Variants in PALMD observed in about 807,000 individuals in gnomAD.
The protein encoded by PALMD is palmdelphin.
PALMD carries 42 observed loss-of-function variants against 56.2 expected under a neutral mutation model. The observed-to-expected ratio is 0.75, with a 90% CI of 0.58 to 0.97. The LOEUF is 0.97. PALMD is among the 50% of genes least tolerant of loss of function. The probability of loss-of-function intolerance (pLI) is 0.00; values close to 1 mark genes in which losing one functional copy is unlikely to be tolerated. For synonymous variants in PALMD, 242 were observed against 222.9 expected, an observed-to-expected ratio of 1.09 and a Z score of -0.76; for missense variants, 660 against 643.8, an observed-to-expected ratio of 1.03 and a Z score of -0.27.
chr1:99,662,232 G>T (rs770338541), intron 1 of PALMD, 87 bp from the exon 2 acceptor site: 1 of 717,228 alleles, frequency 1.4e-6, no homozygotes, highest in East Asian at 2.7e-5. Context: ...TATCAGTAAC[G>T]GGCCATTCAG....
chr1:99,659,123 T>C (rs1351578384), intron 1 of PALMD, among the ~76,000 whole-genome samples: 1 of 152,222 alleles, frequency 6.6e-6, no homozygotes, highest in African/African-American at 2.4e-5. Context: ...ATATTAGAAT[T>C]TAGCACATTG....
At chr1:99,663,988 G>C (rs1652909387) in intron 2 of PALMD, among the ~76,000 whole-genome samples, 1 of 152,172 alleles carries the variant, frequency 6.6e-6, no homozygotes, top group African/African-American at 2.4e-5. Context: ...CAGTTGTGCA[G>C]ATTGTGTACT....
chr1:99,660,758 C>A (rs184824182), intron 1 of PALMD, among the ~76,000 whole-genome samples: 2 of 152,082 alleles, frequency 1.3e-5, no homozygotes, highest in African/African-American at 2.4e-5. Flanking sequence ...TGGTAGTATG[C>A]GCCTGTAGTC....
intron 1 of PALMD, among the ~76,000 whole-genome samples, chr1:99,647,641 T>C (rs945153917): frequency 6.6e-6 from 1 of 152,268 alleles, no homozygotes; most frequent in Non-Finnish European, 1.5e-5. Flanking sequence ...CTGTCCTGCT[T>C]TAAGGGACAG....
intron 3 of PALMD, chr1:99,668,139 C>T (rs886126049): frequency 3.5e-5 from 6 of 169,304 alleles, no homozygotes; most frequent in African/African-American, 7.1e-5. Flanking sequence ...CTCGGCCTCC[C>T]GATGTACAGG....
chr1:99,670,397 TAGAA>T (rs925791537), intron 3 of PALMD, among the ~76,000 whole-genome samples: 9 of 152,114 alleles, frequency 5.9e-5, no homozygotes, highest in African/African-American at 2.2e-4. Flanking sequence ...ACAACAATCC[TAGAA>T]AGAAAGTGCC....
intron 1 of PALMD, among the ~76,000 whole-genome samples, chr1:99,650,882 G>A (rs150277151): frequency 1.3e-5 from 2 of 152,270 alleles, no homozygotes; most frequent in African/African-American, 2.4e-5. Context: ...GTGTAAACTA[G>A]TCTGTGTCTT....
intron 7 of PALMD, among the ~76,000 whole-genome samples, chr1:99,692,275 G>A (rs927246766): frequency 3.3e-5 from 5 of 152,066 alleles, no homozygotes; most frequent in Non-Finnish European, 7.4e-5. Flanking sequence ...TCAGCTCTGG[G>A]AGTTCATATG....
At chr1:99,670,472 C>T (rs1653058919) in intron 3 of PALMD, among the ~76,000 whole-genome samples, 2 of 152,084 alleles carry the variant, frequency 1.3e-5, no homozygotes, top group Admixed American at 6.6e-5. Context: ...TTAATTAAGG[C>T]CACAGAGTCA....
At chr1:99,662,235 CCATT>C in intron 1 of PALMD, 80 bp from the exon 2 acceptor site, 2 of 724,220 alleles carry the variant, frequency 2.8e-6, no homozygotes, top group Non-Finnish European at 2.4e-6. Context: ...CAGTAACGGG[CCATT>C]CAGATAGTGA....
At chr1:99,662,565 A>T (rs1479250185) in intron 2 of PALMD, among the ~76,000 whole-genome samples, 166 bp downstream of exon 2, 1 of 152,202 alleles carries the variant, frequency 6.6e-6, no homozygotes, top group East Asian at 1.9e-4. Context: ...ACATTTGCAT[A>T]TGAGATTAAT....
chr1:99,689,967 C>A, intron 7 of PALMD, 95 bp downstream of exon 7: 2 of 1,151,186 alleles, frequency 1.7e-6, no homozygotes, highest in Non-Finnish European at 1.2e-6. Flanking sequence ...CTCTGACCAC[C>A]TCATAAACTA....
chr1:99,662,784 T>G (rs982821659), intron 2 of PALMD, among the ~76,000 whole-genome samples: 1 of 152,096 alleles, frequency 6.6e-6, no homozygotes, highest in Admixed American at 6.6e-5. Flanking sequence ...CCCCCGGGGG[T>G]GCAGAACAGT....
At chr1:99,661,601 G>C (rs1186152928) in intron 1 of PALMD, among the ~76,000 whole-genome samples, 2 of 152,162 alleles carry the variant, frequency 1.3e-5, no homozygotes, top group Non-Finnish European at 2.9e-5. Context: ...AAGTGGAGGA[G>C]GCAAAAGTCA....
intron 1 of PALMD, among the ~76,000 whole-genome samples, chr1:99,652,814 A>G (rs1652628033): frequency 6.6e-6 from 1 of 152,200 alleles, no homozygotes; most frequent in South Asian, 2.1e-4. Flanking sequence ...AGAAGAAACT[A>G]TGGAGGGTCT....
rs116751148 is a variant in PALMD at position 99,672,734 on chromosome 1, C to T, written c.251+4968C>T. On this transcript the variant is annotated intron_variant, in intron 3 of 7. Transcript: ENST00000263174. ...CTGACTTTAATTGGAGCACACAGAG[C>T]GCCTGACAGAAATGTCATAAGCATG... Among the ~76,000 whole-genome samples the T allele has an allele frequency of 6.5e-3, 985 of 152,274 alleles. 11 individuals are homozygous for T. The highest frequency in any genetic ancestry group is 0.022 in the African/African-American group (925 of 41,560).
chr1:99,655,353 A>T (rs747976939), intron 1 of PALMD, among the ~76,000 whole-genome samples: 1 of 152,152 alleles, frequency 6.6e-6, no homozygotes, highest in Non-Finnish European at 1.5e-5. Flanking sequence ...CTTAACCTTC[A>T]TCATCTGCAG....
At chr1:99,649,244 A>G (rs1338944491) in intron 1 of PALMD, among the ~76,000 whole-genome samples, 3 of 152,186 alleles carry the variant, frequency 2.0e-5, no homozygotes, top group Non-Finnish European at 4.4e-5. Context: ...TCAGTTTTCA[A>G]CTATAATTTA....
chr1:99,670,728 C>T (rs1208278218), intron 3 of PALMD, among the ~76,000 whole-genome samples: 4 of 152,048 alleles, frequency 2.6e-5, no homozygotes, highest in African/African-American at 9.7e-5. Flanking sequence ...AAAAATATAA[C>T]AGCAACAGAA....
Sources: allele counts gnomAD v4.1 joint callset (sites outside exome capture counted in the v4.1 genomes callset), GRCh38; gene constraint gnomAD v4.1.1; transcripts MANE v1.5; gene names NCBI Gene and HGNC (gene_info 2026-07-23, HGNC 2026-07-21).